The following ATAD3B variants were observed in gnomAD, a reference collection of about 807,000 sequenced individuals.
ATAD3B encodes the protein ATPase family AAA domain-containing protein 3B.
In ATAD3B, 59 loss-of-function variants were observed where a neutral mutation model predicts 70.2. That is an observed-to-expected ratio of 0.84 (90% CI 0.68 to 1.04). The LOEUF (loss-of-function observed/expected upper bound fraction) is 1.04, where lower values mean the gene tolerates loss of function less well. Ranked by LOEUF, ATAD3B falls within the 50% of genes least tolerant of loss-of-function variation. The pLI is 0.00. For synonymous variants in ATAD3B, 423 were observed against 388.6 expected, an observed-to-expected ratio of 1.09 and a Z score of -1.04; for missense variants, 961 against 913.4, an observed-to-expected ratio of 1.05 and a Z score of -0.67.
chr1:1,488,854 T>G (rs1484791806), intron 12 of ATAD3B, among the ~76,000 whole-genome samples: 1 of 151,786 alleles, frequency 6.6e-6, no homozygotes, highest in Non-Finnish European at 1.5e-5. Context: ...AAATGTATTT[T>G]TTATTTTTTA....
rs1343112499 is a variant in ATAD3B, at chr1:1,495,910, C to T, written c.*93C>T. On this transcript the variant is annotated 3_prime_UTR_variant, in exon 16 of 16. Transcript: ENST00000673477. ...TCTGGCTCACAGGGGGAGGGTGAGG[C>T]TTTGTACCCCAGCCCCTGCCCAGGC... 2 of 1,450,460 alleles carry T rather than the reference C, an allele frequency of 1.4e-6. No homozygotes were observed. Among genetic ancestry groups the T allele is most frequent in the Admixed American group, 2.7e-5 (1 of 37,578 alleles). 89.8% of individuals were successfully genotyped at this position (1,450,460 alleles called of 1,614,324 possible).
the ATAD3B span, chr1:1,503,798 G>A: frequency 3.0e-5 from 40 of 1,323,626 alleles, no homozygotes; most frequent in South Asian, 5.2e-5. Context: ...GAGCTTGGGC[G>A]CCTCATTTCA....
In ATAD3B at chr1:1,478,297, C is replaced by T. The variant is rs140651186; in HGVS notation, c.283-347C>T. 1.2e-4 allele frequency: 117 copies of T among 938,322 alleles called. No homozygotes were observed. The African/African-American group carries it at 1.8e-3, about 15-fold the overall frequency. The allele number at this position is 938,322 out of a possible 1,614,324, so 58.1% of individuals were successfully genotyped here. A position where few individuals can be genotyped will look rare whatever the true frequency, so the allele number is the denominator to read the frequency against. On this transcript the variant is annotated intron_variant, in intron 2 of 15. Coordinates refer to ENST00000673477, the MANE Select transcript of ATAD3B (RefSeq NM_031921.6). Reference sequence around the variant, plus strand: ...TAGGCAAGAGCGATGGCGCCCGGCCCACTCAGCAGGATTCCTAGAATGGGC... The same window carrying T: ...TAGGCAAGAGCGATGGCGCCCGGCCTACTCAGCAGGATTCCTAGAATGGGC...
Position 1,482,620 on chromosome 1 carries a change from C to T in ATAD3B, c.750+6C>T, listed in dbSNP as rs1639980596. 2 of 1,613,368 alleles carry T rather than the reference C, an allele frequency of 1.2e-6. No homozygotes were observed. Among genetic ancestry groups the T allele is most frequent in the Non-Finnish European group, 8.5e-7 (1 of 1,179,588 alleles). On this transcript the variant is annotated splice_donor_region_variant and intron_variant, in intron 7 of 15. Coordinates refer to ENST00000673477, the MANE Select transcript of ATAD3B (RefSeq NM_031921.6). ...GGGACAAAGTGACAGCCACGGTAAA[C>T]ATATTCATAAAACAGGGCTGGCAGG...
In ATAD3B at chr1:1,496,513, C is replaced by T. The variant is rs1640802686; in HGVS notation, c.*696C>T. On this transcript the variant is annotated 3_prime_UTR_variant, in exon 16 of 16. Coordinates refer to ENST00000673477, the MANE Select transcript of ATAD3B (RefSeq NM_031921.6). The stretch of plus-strand genomic sequence containing the variant: ...CACACTGCGCCCAGGTGTAAGAGGG[C>T]ACGCTTCTGCCCAGGCATCGTCCAT... The T allele has an allele frequency of 6.6e-6, 1 of 152,326 alleles. No individual in the cohort carries two copies. 9.4% of individuals were successfully genotyped at this position (152,326 alleles called of 1,614,324 possible). A position where few individuals can be genotyped will look rare whatever the true frequency, so the allele number is the denominator to read the frequency against.
chr1:1,506,452 T>C, the ATAD3B span, among the ~76,000 whole-genome samples: 1 of 151,808 alleles, frequency 6.6e-6, no homozygotes, highest in Non-Finnish European at 1.5e-5. Flanking sequence ...TCACCCAGGC[T>C]GGAGTGCAGT....
downstream of ATAD3B, among the ~76,000 whole-genome samples, chr1:1,500,053 A>G (rs1252184496): frequency 6.6e-6 from 1 of 150,568 alleles, no homozygotes; most frequent in African/African-American, 2.5e-5. Flanking sequence ...ACAGGTGGAC[A>G]CGCCCGGCTA....
rs1639994710 is a variant in ATAD3B at position 1,482,843 on chromosome 1, A to G, written c.750+229A>G. On this transcript the variant is annotated intron_variant, in intron 7 of 15. Transcript: ENST00000673477. The stretch of plus-strand genomic sequence containing the variant: ...ACACGGTGAGACCCCATCTCTACGA[A>G]GAATAAAACATTAGCTGGGTGTGAT... 1.9e-5 allele frequency: 12 copies of G among 639,950 alleles called. No individual in the cohort carries two copies. In the East Asian group the frequency reaches 3.2e-4, roughly 17 times the overall value. 39.6% of individuals were successfully genotyped at this position (639,950 alleles called of 1,614,324 possible).
At chr1:1,494,734 G>A (rs1051029107) in intron 15 of ATAD3B, among the ~76,000 whole-genome samples, 2 of 151,898 alleles carry the variant, frequency 1.3e-5, no homozygotes, top group Non-Finnish European at 2.9e-5. Flanking sequence ...GGGACGGGGC[G>A]AGGGACCCAC....
chr1:1,480,531 T>C lies in ATAD3B; in HGVS notation c.445-336T>C, dbSNP rs1639856368. ...GTTGCCTGTTGTGGGCATTGTAGCT[T>C]TAACGTTTAATTGGCGGAAGACAGA... is the stretch of plus-strand genomic sequence containing the variant. On this transcript the variant is annotated intron_variant, in intron 4 of 15. Transcript: ENST00000673477. Among the ~76,000 whole-genome samples, 7 of 147,336 alleles carry C rather than the reference T, an allele frequency of 4.8e-5. 1 individual carries two copies.
Position 1,472,048 on chromosome 1 carries a change from TGGAGCGCGCCGCCAA to T in ATAD3B, c.167_181del (p.Glu56_Lys60del). 1 of 1,207,110 alleles carries T rather than the reference TGGAGCGCGCCGCCAA, an allele frequency of 8.3e-7. No homozygotes were observed. The highest frequency in any genetic ancestry group is 4.0e-5 in the South Asian group (1 of 24,722). 74.8% of individuals were successfully genotyped at this position (1,207,110 alleles called of 1,614,324 possible). On this transcript the variant is annotated inframe_deletion, in exon 1 of 16. Coordinates refer to ENST00000673477, the MANE Select transcript of ATAD3B (RefSeq NM_031921.6). ...TGGAGCAACTTCGACCCCACCGGCC[TGGAGCGCGCCGCCAA>T]GGCGGCGCGCGAGCTGGAGCACTCG...
chr1:1,482,183 T>C lies in ATAD3B; in HGVS notation c.560T>C (p.Leu187Pro). Residue 187 changes from leucine (L) to proline (P), a missense_variant, in exon 6 of 16, where the codon CTG (leucine) becomes CCG (proline). Around this residue, in one of 4 missense-constraint regions of ATAD3B, gnomAD observed 349 missense variants for 307.5 expected, o/e 1.14. Coordinates refer to ENST00000673477, the MANE Select transcript of ATAD3B (RefSeq NM_031921.6). ...EMELRHKNEM[L>P]RVETEARARA... Reference sequence around the variant, plus strand: ...GAGCTGCGGCACAAGAATGAGATGCTGCGAGTGGAGACCGAGGCCCGGGCG... The same window carrying C: ...GAGCTGCGGCACAAGAATGAGATGCCGCGAGTGGAGACCGAGGCCCGGGCG... 1 of 1,610,840 alleles carries C rather than the reference T, an allele frequency of 6.2e-7. No homozygotes were observed. The highest frequency in any genetic ancestry group is 8.5e-7 in the Non-Finnish European group (1 of 1,179,212).
chr1:1,486,174 G>A lies in ATAD3B; in HGVS notation c.1028G>A (p.Gly343Asp). 1 of 1,613,288 alleles carries A rather than the reference G, an allele frequency of 6.2e-7. No homozygotes were observed. Among genetic ancestry groups the A allele is most frequent in the Non-Finnish European group, 8.5e-7 (1 of 1,179,666 alleles). The stretch of plus-strand genomic sequence containing the variant: ...ACCAGGAACACCAAGAAGAACCGGG[G>A]CCTGTACAGGCACATCCTGCTGTAT... ...IATRNTKKNR[G>D]LYRHILLYGP... The change falls in exon 10 of 16, where the codon GGC becomes GAC. Residue 343 changes from glycine (G) to aspartate (D), a missense_variant. Transcript: ENST00000673477.
At position 1,485,139 on chromosome 1, in the gene ATAD3B, A is replaced by T; in HGVS notation, c.874A>T (p.Thr292Ser). The T allele has an allele frequency of 1.2e-6, 2 of 1,610,478 alleles. No homozygotes were observed. The highest frequency in any genetic ancestry group is 1.7e-6 in the Non-Finnish European group (2 of 1,179,450). The change falls in exon 8 of 16, where the codon ACG becomes TCG. Residue 292 changes from threonine to serine, a missense_variant. Around this residue, in one of 4 missense-constraint regions of ATAD3B, gnomAD observed 349 missense variants for 307.5 expected, o/e 1.14. Coordinates refer to ENST00000673477, the MANE Select transcript of ATAD3B (RefSeq NM_031921.6). Reference sequence around the variant, plus strand: ...CCTAGTGAGGGAGACGTCCCGCATCACGGTGCTGGAGGCGCTGCGGCACCC... The same window carrying T: ...CCTAGTGAGGGAGACGTCCCGCATCTCGGTGCTGGAGGCGCTGCGGCACCC... Reference protein sequence around the residue: ...PSLVRETSRITVLEALRHPIQ... With the variant: ...PSLVRETSRISVLEALRHPIQ...
the ATAD3B span, chr1:1,509,460 G>T: frequency 2.5e-6 from 4 of 1,587,334 alleles, no homozygotes; most frequent in African/African-American, 2.7e-5. Flanking sequence ...GTCCCACGGG[G>T]GCCGCACCGC....
intron 1 of ATAD3B, among the ~76,000 whole-genome samples, chr1:1,475,357 C>T (rs1390116800): frequency 6.6e-6 from 1 of 151,608 alleles, no homozygotes; most frequent in South Asian, 2.1e-4. Flanking sequence ...CCCCTTTCCC[C>T]GGGTGCCCCC....
intron 15 of ATAD3B, among the ~76,000 whole-genome samples, chr1:1,491,650 G>A (rs1323236021): frequency 2.0e-5 from 3 of 152,070 alleles, no homozygotes; most frequent in Non-Finnish European, 2.9e-5. Flanking sequence ...GAGTCTGTGT[G>A]ACAACCTGGT....
chr1:1,502,886 A>G, the ATAD3B span, among the ~76,000 whole-genome samples: 1 of 151,668 alleles, frequency 6.6e-6, no homozygotes, highest in African/African-American at 2.4e-5. Context: ...ATCCTTTGCT[A>G]TTAATAAGAC....
chr1:1,495,090 T>C (rs550176050), intron 15 of ATAD3B, among the ~76,000 whole-genome samples: 1 of 152,136 alleles, frequency 6.6e-6, no homozygotes, highest in South Asian at 2.1e-4. Context: ...CCTGGAGGCC[T>C]GTGAGGGTCA....
Sources: gnomAD v4.1 joint callset for allele counts (sites outside exome capture counted in the v4.1 genomes callset) on GRCh38, gnomAD v4.1.1 for gene constraint, gnomAD v4.1.1 regional missense constraint, MANE v1.5 for transcripts, NCBI Gene and HGNC (gene_info 2026-07-23, HGNC 2026-07-21) for gene names.